Variants in RHEB observed in about 807,000 individuals in gnomAD.
RHEB encodes the protein Ras homolog, mTORC1 binding.
Under a neutral mutation model 28.8 loss-of-function variants are expected in RHEB, and 2 were observed. The observed-to-expected ratio is 0.07, with a 90% confidence interval of 0.03 to 0.22. The LOEUF (loss-of-function observed/expected upper bound fraction) is 0.22. Among genes scored for constraint, RHEB ranks in the 10% least tolerant of loss-of-function variants. The probability of loss-of-function intolerance (pLI) is 1.00; values close to 1 mark genes in which losing one functional copy is unlikely to be tolerated. For synonymous variants in RHEB, 69 were observed against 77.3 expected (o/e 0.89, Z 0.56); for missense variants, 76 against 219.9 (o/e 0.35, Z 4.14).
At chr7:151,500,446 C>A (rs1406545446) in intron 1 of RHEB, among the ~76,000 whole-genome samples, 1 of 152,110 alleles carries the variant, frequency 6.6e-6, no homozygotes, top group Non-Finnish European at 1.5e-5. Flanking sequence ...GAAGAAAATG[C>A]ACACTCCCAA....
At chr7:151,467,484 C>A (rs1443682834) in intron 7 of RHEB, among the ~76,000 whole-genome samples, 1 of 151,930 alleles carries the variant, frequency 6.6e-6, no homozygotes, top group Non-Finnish European at 1.5e-5. Flanking sequence ...CTCCCAGACT[C>A]ACCACCATCT....
intron 3 of RHEB, 29 bp downstream of exon 3, chr7:151,484,708 A>C: frequency 6.7e-7 from 1 of 1,501,322 alleles, no homozygotes; most frequent in Non-Finnish European, 9.3e-7. Flanking sequence ...TATGCTGTAT[A>C]AGATTCTGAG....
intron 3 of RHEB, among the ~76,000 whole-genome samples, chr7:151,481,189 C>G (rs1398978608): frequency 2.0e-5 from 3 of 149,010 alleles, no homozygotes; most frequent in African/African-American, 7.4e-5. Flanking sequence ...GGTATATGTT[C>G]TCACCCTAAA....
chr7:151,511,480 GC>G, intron 1 of RHEB, among the ~76,000 whole-genome samples: 1 of 151,738 alleles, frequency 6.6e-6, no homozygotes, highest in Non-Finnish European at 1.5e-5. Context: ...TTCTTAACTT[GC>G]CCATAAGAGC....
chr7:151,515,541 G>C (rs1459049184), intron 1 of RHEB, among the ~76,000 whole-genome samples: 2 of 152,084 alleles, frequency 1.3e-5, no homozygotes, highest in Non-Finnish European at 2.9e-5. Context: ...ATACAAAGTG[G>C]GCACTTCAGG....
At chr7:151,515,166 T>G (rs1803056259) in intron 1 of RHEB, among the ~76,000 whole-genome samples, 2 of 151,878 alleles carry the variant, frequency 1.3e-5, no homozygotes, top group South Asian at 4.2e-4. Flanking sequence ...TAGTCAGCAC[T>G]AAACAGGAAG....
intron 1 of RHEB, among the ~76,000 whole-genome samples, chr7:151,497,825 C>T (rs1802700779): frequency 6.6e-6 from 1 of 152,232 alleles, no homozygotes; most frequent in African/African-American, 2.4e-5. Context: ...TCCTGGTCTC[C>T]TCTGAACCTT....
At chr7:151,479,073 G>A in intron 3 of RHEB, among the ~76,000 whole-genome samples, 1 of 152,256 alleles carries the variant, frequency 6.6e-6, no homozygotes, top group African/African-American at 2.4e-5. Flanking sequence ...AATTGGGAGG[G>A]CAGCTGAGTA....
At chr7:151,488,211 G>A (rs1016115932) in intron 2 of RHEB, among the ~76,000 whole-genome samples, 1 of 152,162 alleles carries the variant, frequency 6.6e-6, no homozygotes, top group African/African-American at 2.4e-5. Context: ...AAGTACACTT[G>A]CATAAGTAGT....
At chr7:151,485,813 C>T (rs573695544) in intron 2 of RHEB, among the ~76,000 whole-genome samples, 2 of 152,310 alleles carry the variant, frequency 1.3e-5, no homozygotes, top group South Asian at 4.1e-4. Flanking sequence ...GCAATCATCA[C>T]AGAGAACCAT....
At chr7:151,481,698 T>C (rs988740346) in intron 3 of RHEB, among the ~76,000 whole-genome samples, 2 of 152,238 alleles carry the variant, frequency 1.3e-5, no homozygotes, top group African/African-American at 4.8e-5. Flanking sequence ...GAACTACTAG[T>C]TGCAATGACT....
intron 1 of RHEB, chr7:151,502,101 T>C: frequency 4.8e-6 from 2 of 418,860 alleles, no homozygotes; most frequent in Non-Finnish European, 8.7e-6. Flanking sequence ...CTGGGTGTGG[T>C]GGCACATGCC....
chr7:151,496,468 AT>A (rs913804546), intron 1 of RHEB, among the ~76,000 whole-genome samples: 15 of 148,316 alleles, frequency 1.0e-4, no homozygotes, highest in East Asian at 2.0e-4. Flanking sequence ...GACCCATACT[AT>A]TTTTTTTTTT....
At chr7:151,519,388 G>C (rs1264536470) in intron 1 of RHEB, 72 bp downstream of exon 1, 1 of 1,161,950 alleles carries the variant, frequency 8.6e-7, no homozygotes, top group East Asian at 3.5e-5. Flanking sequence ...AACTTCGCAG[G>C]CCCGGCCGCG....
chr7:151,501,266 A>C (rs945350690), intron 1 of RHEB, among the ~76,000 whole-genome samples: 1 of 152,236 alleles, frequency 6.6e-6, no homozygotes, highest in African/African-American at 2.4e-5. Context: ...CAACAACAAG[A>C]AACAATCCAA....
At chr7:151,487,390 T>C (rs1802497273) in intron 2 of RHEB, among the ~76,000 whole-genome samples, 1 of 151,926 alleles carries the variant, frequency 6.6e-6, no homozygotes, top group African/African-American at 2.4e-5. Context: ...AATAGCAAAT[T>C]GAAGAGAGGG....
At chr7:151,514,373 C>T (rs544739452) in intron 1 of RHEB, among the ~76,000 whole-genome samples, 4 of 152,090 alleles carry the variant, frequency 2.6e-5, no homozygotes, top group South Asian at 2.1e-4. Context: ...ATAGATATAT[C>T]GGCCTTCAAA....
At chr7:151,500,292 A>G (rs1802751280) in intron 1 of RHEB, among the ~76,000 whole-genome samples, 1 of 152,108 alleles carries the variant, frequency 6.6e-6, no homozygotes, top group Non-Finnish European at 1.5e-5. Context: ...CAAACCAACA[A>G]AAAAAAGGAA....
At chr7:151,512,478 G>A (rs1195106137) in intron 1 of RHEB, among the ~76,000 whole-genome samples, 1 of 151,894 alleles carries the variant, frequency 6.6e-6, no homozygotes, top group Non-Finnish European at 1.5e-5. Flanking sequence ...CCATCACCAG[G>A]TCCAAACACA....
Sources: gnomAD v4.1 joint callset for allele counts (sites outside exome capture counted in the v4.1 genomes callset) on GRCh38, gnomAD v4.1.1 for gene constraint, MANE v1.5 for transcripts, NCBI Gene and HGNC (gene_info 2026-07-23, HGNC 2026-07-21) for gene names.